Variants in ANKRD30A observed in about 807,000 individuals in gnomAD.
The protein encoded by ANKRD30A is ankyrin repeat domain-containing protein 30A.
A neutral mutation model predicts 166.3 loss-of-function variants in ANKRD30A; 170 were observed. That is an observed-to-expected ratio of 1.02 (90% CI 0.90 to 1.16). ANKRD30A has a LOEUF of 1.16. Ranked by LOEUF, ANKRD30A falls within the 50% of genes most tolerant of loss-of-function variation. The probability of loss-of-function intolerance (pLI) is 0.00; values close to 1 mark genes in which losing one functional copy is unlikely to be tolerated. For missense variants in ANKRD30A, 1,630 were observed against 1,518.0 expected, an observed-to-expected ratio of 1.07 and a Z score of -1.23; for synonymous variants, 564 against 508.9, an observed-to-expected ratio of 1.11 and a Z score of -1.46.
At chr10:37,240,288 T>C in the ANKRD30A span, among the ~76,000 whole-genome samples, 1,609 of 152,246 alleles carry the variant, frequency 0.011, 34 homozygotes, top group African/African-American at 0.037. Context: ...GTGGAACTTT[T>C]AGCCTACACA....
intron 34 of ANKRD30A, among the ~76,000 whole-genome samples, chr10:37,223,525 T>C (rs1394894436): frequency 6.6e-6 from 1 of 151,366 alleles, no homozygotes; most frequent in African/African-American, 2.4e-5. Context: ...AAAATGTAAA[T>C]ATAACTAATT....
intron 9 of ANKRD30A, among the ~76,000 whole-genome samples, chr10:37,149,017 G>A (rs1837712578): frequency 1.3e-5 from 2 of 151,856 alleles, no homozygotes. Flanking sequence ...TGTCAATATT[G>A]AAAGCTTATT....
intron 24 of ANKRD30A, among the ~76,000 whole-genome samples, chr10:37,184,031 A>T (rs1840234689): frequency 6.6e-6 from 1 of 151,714 alleles, no homozygotes; most frequent in Non-Finnish European, 1.5e-5. Context: ...ATTTCTAATA[A>T]TTTCTCAGGC....
rs1447250060 is a variant in ANKRD30A at position 37,192,068 on chromosome 10, G to C, written c.2513-996G>C. Among the ~76,000 whole-genome samples, 4 of 151,974 alleles carry C rather than the reference G, an allele frequency of 2.6e-5. No homozygotes were observed. In the South Asian group the frequency reaches 8.3e-4, roughly 32 times the overall value. On this transcript the variant is annotated intron_variant, in intron 25 of 35. Transcript: ENST00000361713. The stretch of plus-strand genomic sequence containing the variant: ...TTTTCTTTTTTAGAGACAGAGTCTC[G>C]CTCTGTCATCCAGGCTGGAGTGCAA...
At chr10:37,263,470 C>T in the ANKRD30A span, among the ~76,000 whole-genome samples, 1 of 151,100 alleles carries the variant, frequency 6.6e-6, no homozygotes, top group Non-Finnish European at 1.5e-5. Context: ...AGTGGGAGTC[C>T]TGAGCTTGTT....
the ANKRD30A span, among the ~76,000 whole-genome samples, chr10:37,256,823 G>A: frequency 3.9e-5 from 6 of 152,144 alleles, no homozygotes; most frequent in Non-Finnish European, 5.9e-5. Flanking sequence ...TTTTCACATC[G>A]ATGTTCATAA....
chr10:37,127,281 T>C (rs1285026468), intron 1 of ANKRD30A, among the ~76,000 whole-genome samples: 1 of 151,918 alleles, frequency 6.6e-6, no homozygotes, highest in Non-Finnish European at 1.5e-5. Context: ...ACAAAATAAG[T>C]TCCTGATGGA....
At chr10:37,241,107 C>G in the ANKRD30A span, 2 of 151,568 alleles carry the variant, frequency 1.3e-5, no homozygotes, top group African/African-American at 4.8e-5. Context: ...ACTCTTTTTT[C>G]CTGACTTCCA....
At chr10:37,265,725 C>G in the ANKRD30A span, among the ~76,000 whole-genome samples, 2 of 152,204 alleles carry the variant, frequency 1.3e-5, no homozygotes, top group Non-Finnish European at 2.9e-5. Flanking sequence ...GATGTTCATG[C>G]TGGGGCACAG....
At chr10:37,144,768 A>T (rs1173952870) in intron 7 of ANKRD30A, among the ~76,000 whole-genome samples, 3 of 152,116 alleles carry the variant, frequency 2.0e-5, no homozygotes, top group African/African-American at 7.2e-5. Context: ...AATTAATCAA[A>T]TTTTTAATTT....
intron 34 of ANKRD30A, among the ~76,000 whole-genome samples, chr10:37,227,621 G>C (rs1843219957): frequency 6.6e-6 from 1 of 151,800 alleles, no homozygotes; most frequent in South Asian, 2.1e-4. Flanking sequence ...TTTGTTTCTT[G>C]AAAGAGCCCA....
chr10:37,155,170 ATG>A lies in ANKRD30A; in HGVS notation c.1798+1510_1798+1511del, dbSNP rs1274293500. 5.9e-5 allele frequency among the ~76,000 whole-genome samples: 9 copies of A among 152,308 alleles called. No homozygotes were observed. The East Asian group carries it at 1.5e-3, about 26-fold the overall frequency. On this transcript the variant is annotated intron_variant, in intron 13 of 35. Transcript: ENST00000361713. The stretch of plus-strand genomic sequence containing the variant: ...TATTTTACTGATTTTAACATAGAAA[ATG>A]TTATTAATATTTAAAAGTCTATTGC...
At chr10:37,202,029 G>C (rs1442181185) in intron 31 of ANKRD30A, among the ~76,000 whole-genome samples, 1 of 152,074 alleles carries the variant, frequency 6.6e-6, no homozygotes, top group Non-Finnish European at 1.5e-5. Flanking sequence ...AAAGTTCTCA[G>C]GTGATGCTGA....
At chr10:37,241,407 AT>A in the ANKRD30A span, 94 of 151,698 alleles carry the variant, frequency 6.2e-4, no homozygotes, top group Non-Finnish European at 1.2e-3. Flanking sequence ...AAAGGATAAT[AT>A]TTTTATATCA....
chr10:37,152,814 G>A (rs1838055219), intron 12 of ANKRD30A, among the ~76,000 whole-genome samples: 1 of 152,108 alleles, frequency 6.6e-6, no homozygotes, highest in African/African-American at 2.4e-5. Context: ...GAAAGACATG[G>A]GAAGTATCTG....
At chr10:37,218,008 A>G (rs1842693659) in intron 33 of ANKRD30A, 130 bp downstream of exon 33, 1 of 567,006 alleles carries the variant, frequency 1.8e-6, no homozygotes, top group Non-Finnish European at 2.8e-6. Context: ...AAAATTAACT[A>G]TCACATTTGT....
At chr10:37,241,010 A>G in the ANKRD30A span, 1 of 152,158 alleles carries the variant, frequency 6.6e-6, no homozygotes, top group Non-Finnish European at 1.5e-5. Context: ...TCAATGCACA[A>G]CTACGGGTGA....
chr10:37,218,524 A>C (rs1842715571), intron 33 of ANKRD30A, among the ~76,000 whole-genome samples: 1 of 151,042 alleles, frequency 6.6e-6, no homozygotes, highest in Non-Finnish European at 1.5e-5. Context: ...AAAAAGATAG[A>C]ATATCTAGAG....
At chr10:37,260,571 TCAGGGACC>T in the ANKRD30A span, among the ~76,000 whole-genome samples, 1 of 152,216 alleles carries the variant, frequency 6.6e-6, no homozygotes, top group East Asian at 1.9e-4. Context: ...GAAGCTGGAT[TCAGGGACC>T]CATGGTTACC....
Sources: gnomAD v4.1 joint callset for allele counts (sites outside exome capture counted in the v4.1 genomes callset) on GRCh38, gnomAD v4.1.1 for gene constraint, MANE v1.5 for transcripts, NCBI Gene and HGNC (gene_info 2026-07-23, HGNC 2026-07-21) for gene names.